The following TRIM33 variants were observed in gnomAD, a reference collection of about 807,000 sequenced individuals.
The protein encoded by TRIM33 is tripartite motif containing 33, also known as E3 ubiquitin-protein ligase TRIM33.
A neutral mutation model predicts 125.4 loss-of-function variants in TRIM33; 20 were observed. That is an observed-to-expected ratio of 0.16 (90% CI 0.11 to 0.23). The LOEUF (loss-of-function observed/expected upper bound fraction) is 0.23, where lower values mean the gene tolerates loss of function less well. Ranked by LOEUF, TRIM33 falls within the 10% of genes least tolerant of loss-of-function variation. The probability of loss-of-function intolerance (pLI) is 1.00; values close to 1 mark genes in which losing one functional copy is unlikely to be tolerated. For missense variants in TRIM33, 920 were observed against 1,411.4 expected (o/e 0.65, Z 5.58); for synonymous variants, 564 against 513.9 (o/e 1.10, Z -1.32).
chr1:114,472,133 A>C (rs528927830), intron 1 of TRIM33, among the ~76,000 whole-genome samples: 42 of 152,312 alleles, frequency 2.8e-4, no homozygotes, highest in Non-Finnish European at 5.1e-4. Context: ...ATATGAATAA[A>C]ATTTTTAAAC....
intron 1 of TRIM33, among the ~76,000 whole-genome samples, chr1:114,474,972 CAA>C (rs899853815): frequency 5.3e-5 from 8 of 150,032 alleles, no homozygotes; most frequent in African/African-American, 9.8e-5. Flanking sequence ...TCATTAGAGA[CAA>C]GAGCAAAATT....
intron 1 of TRIM33, among the ~76,000 whole-genome samples, chr1:114,469,980 C>T (rs1055017124): frequency 6.6e-6 from 1 of 152,076 alleles, no homozygotes; most frequent in African/African-American, 2.4e-5. Context: ...GTAAGTATTT[C>T]CAAAGTTAAT....
chr1:114,440,703 T>C (rs1463685020), intron 4 of TRIM33, among the ~76,000 whole-genome samples: 4 of 152,144 alleles, frequency 2.6e-5, no homozygotes, highest in African/African-American at 9.7e-5. Flanking sequence ...AGAGTATTTG[T>C]GAACTGAGAT....
At chr1:114,482,079 C>G (rs1651396401) in intron 1 of TRIM33, among the ~76,000 whole-genome samples, 1 of 152,120 alleles carries the variant, frequency 6.6e-6, no homozygotes, top group South Asian at 2.1e-4. Context: ...ACAAAATGTT[C>G]TATATCTGCA....
intron 5 of TRIM33, among the ~76,000 whole-genome samples, chr1:114,432,577 G>C (rs1337122281): frequency 3.9e-5 from 6 of 151,980 alleles, no homozygotes; most frequent in Non-Finnish European, 7.4e-5. Flanking sequence ...ACGAGGTCAG[G>C]AGATCAAGAC....
At chr1:114,468,262 TA>T (rs1381158826) in intron 1 of TRIM33, 3 of 247,418 alleles carry the variant, frequency 1.2e-5, no homozygotes, top group Non-Finnish European at 2.4e-5. Context: ...TGCTGGGGGC[TA>T]GGGCTGATTT....
chr1:114,479,554 C>A (rs1361963154), intron 1 of TRIM33, among the ~76,000 whole-genome samples: 1 of 152,006 alleles, frequency 6.6e-6, no homozygotes, highest in Non-Finnish European at 1.5e-5. Context: ...ATAAAAACAG[C>A]CACAGGTAAA....
intron 15 of TRIM33, 139 bp from the exon 16 acceptor site, chr1:114,403,022 G>A (rs551455201): frequency 9.8e-5 from 78 of 791,948 alleles, no homozygotes; most frequent in Middle Eastern, 3.7e-4. Flanking sequence ...GTGAAATCTC[G>A]TCAGGTGAAG....
intron 4 of TRIM33, among the ~76,000 whole-genome samples, chr1:114,436,078 A>G (rs1183195210): frequency 1.3e-5 from 2 of 151,526 alleles, no homozygotes; most frequent in Non-Finnish European, 2.9e-5. Flanking sequence ...ACTGTCTACA[A>G]TGTTGAGCAA....
In TRIM33 at chr1:114,397,979, A is replaced by T; in HGVS notation, c.3132T>A (p.Val1044=). 6.2e-7 allele frequency: 1 copy of T among 1,611,652 alleles called. No individual in the cohort carries two copies. The highest frequency in any genetic ancestry group is 2.2e-5 in the East Asian group (1 of 44,770). The change falls in exon 19 of 20, where the codon GTT becomes GTA. Residue 1044 remains valine, a synonymous_variant. Transcript: ENST00000358465. ...CTTGTGTGTCTGCATAAACTTGAAC[A>T]ACTTTCATCATCTAAAAAGGATACC... ...NCERFNEMMK[V]VQVYADTQEI...
rs1314069244 is a variant in TRIM33, at chr1:114,406,980, T to C, written c.2379A>G (p.Lys793=). 5 of 1,614,040 alleles carry C rather than the reference T, an allele frequency of 3.1e-6. No homozygotes were observed. Among genetic ancestry groups the C allele is most frequent in the Non-Finnish European group, 3.4e-6 (4 of 1,179,918 alleles). The change falls in exon 14 of 20, where the codon AAA becomes AAG. Residue 793 remains lysine (K), a synonymous_variant. Transcript: ENST00000358465. ...DEICSFSGGV[K]QEKTEDGRRS... ...TCCTGCCATCCTCTGTTTTTTCTTG[T>C]TTTACACCTCCTGAAAAGCTACATA...
intron 11 of TRIM33, among the ~76,000 whole-genome samples, chr1:114,413,785 AG>A (rs1251375013): frequency 1.3e-5 from 2 of 152,008 alleles, no homozygotes; most frequent in Non-Finnish European, 2.9e-5. Context: ...TCGGATACCA[AG>A]GTAAGAGGAT....
chr1:114,408,829 A>ATTATTT, intron 12 of TRIM33, 89 bp from the exon 13 acceptor site: 1 of 896,038 alleles, frequency 1.1e-6, no homozygotes, highest in East Asian at 2.8e-5. Flanking sequence ...GATTATTATA[A>ATTATTT]CCCAGCTAAA....
chr1:114,397,240 A>G lies in TRIM33; in HGVS notation c.*408T>C. 4.0e-6 allele frequency: 1 copy of G among 249,866 alleles called. No homozygotes were observed. Among genetic ancestry groups the G allele is most frequent in the Non-Finnish European group, 7.8e-6 (1 of 127,404 alleles). The allele number at this position is 249,866 out of a possible 1,614,324, so 15.5% of individuals were successfully genotyped here. A position where few individuals can be genotyped will look rare whatever the true frequency, so the allele number is the denominator to read the frequency against. ...AGGGGGAGGGTTAAAAGTTGTTTTAATAACTGTGCGACCTAGTCCAAAAAG... is the reference window on the plus strand; with the variant it reads ...AGGGGGAGGGTTAAAAGTTGTTTTAGTAACTGTGCGACCTAGTCCAAAAAG... On this transcript the variant is annotated 3_prime_UTR_variant, in exon 20 of 20. Transcript: ENST00000358465.
intron 6 of TRIM33, among the ~76,000 whole-genome samples, chr1:114,430,340 G>T (rs1465720452): frequency 6.6e-6 from 1 of 152,092 alleles, no homozygotes; most frequent in Non-Finnish European, 1.5e-5. Context: ...GACCTCCCGG[G>T]CTCAGTCGAT....
chr1:114,433,537 A>G (rs1648098506), intron 5 of TRIM33, 80 bp downstream of exon 5: 1 of 814,868 alleles, frequency 1.2e-6, no homozygotes, highest in African/African-American at 1.7e-5. Context: ...TATGCTTAAT[A>G]TAGCAGAAAA....
intron 6 of TRIM33, among the ~76,000 whole-genome samples, chr1:114,428,113 G>A (rs1334552687): frequency 6.6e-6 from 1 of 152,202 alleles, no homozygotes. Context: ...TCCACATATA[G>A]AAATGAATGT....
intron 6 of TRIM33, 37 bp from the exon 7 acceptor site, chr1:114,427,931 ATG>A: frequency 1.2e-6 from 2 of 1,604,736 alleles, no homozygotes; most frequent in Admixed American, 1.7e-5. Context: ...AGAATTCCAT[ATG>A]AAAAAAAATC....
intron 9 of TRIM33, among the ~76,000 whole-genome samples, 181 bp downstream of exon 9, chr1:114,425,268 T>G (rs1647490672): frequency 6.6e-6 from 1 of 152,224 alleles, no homozygotes; most frequent in African/African-American, 2.4e-5. Flanking sequence ...ATTTACTTAC[T>G]GCCTTTCTTC....
Sources: allele counts gnomAD v4.1 joint callset (sites outside exome capture counted in the v4.1 genomes callset), GRCh38; gene constraint gnomAD v4.1.1; transcripts MANE v1.5; gene names NCBI Gene and HGNC (gene_info 2026-07-23, HGNC 2026-07-21).